The following TMEM143 variants were observed in gnomAD, a reference collection of about 807,000 sequenced individuals.
TMEM143 encodes transmembrane protein 143.
Under a neutral mutation model 40.3 loss-of-function variants are expected in TMEM143, and 45 were observed. The observed-to-expected ratio is 1.12, with a 90% CI of 0.88 to 1.43. The LOEUF (loss-of-function observed/expected upper bound fraction) is 1.43, where lower values mean the gene tolerates loss of function less well. Ranked by LOEUF, TMEM143 falls within the 40% of genes most tolerant of loss-of-function variation. The probability of loss-of-function intolerance (pLI) is 0.00; values close to 1 mark genes in which losing one functional copy is unlikely to be tolerated. For missense variants in TMEM143, 620 were observed against 613.4 expected, an observed-to-expected ratio of 1.01 and a Z score of -0.11; for synonymous variants, 299 against 282.7, an observed-to-expected ratio of 1.06 and a Z score of -0.58.
intron 3 of TMEM143, among the ~76,000 whole-genome samples, chr19:48,359,709 G>A (rs947160398): frequency 6.6e-6 from 1 of 151,790 alleles, no homozygotes; most frequent in South Asian, 2.1e-4. Flanking sequence ...AGGTTTCACC[G>A]TGTTAGCCAG....
At position 48,345,211 on chromosome 19, in the gene TMEM143, C is replaced by T. The variant is rs1331295249; in HGVS notation, c.513G>A (p.Glu171=). 3.1e-6 allele frequency: 5 copies of T among 1,613,480 alleles called. No homozygotes were observed. The highest frequency in any genetic ancestry group is 1.3e-5 in the African/African-American group (1 of 74,856). Residue 171 remains glutamate (E), a synonymous_variant, in exon 4 of 8, where the codon GAG becomes GAA. Transcript: ENST00000293261. ...LAQANFSPLS[E]DTLAYALVVH... is the part of the protein sequence containing the mutation. ...CCACCAGCGCGTAGGCCAGGGTGTC[C>T]TCAGACAGCGGGGAGAAGTTGGCCT...
At chr19:48,361,449 CT>C (rs1398225492) in intron 2 of TMEM143, among the ~76,000 whole-genome samples, 3 of 151,890 alleles carry the variant, frequency 2.0e-5, no homozygotes, top group African/African-American at 7.3e-5. Flanking sequence ...AACTCATGAC[CT>C]CAGGTGATCC....
chr19:48,334,416 CTCTT>C (rs201875941), intron 6 of TMEM143, among the ~76,000 whole-genome samples: 14,360 of 106,754 alleles, frequency 0.13, 854 homozygotes, highest in Admixed American at 0.16. Flanking sequence ...TTCTTTTTCT[CTCTT>C]TCTTTCTTTC....
intron 3 of TMEM143, among the ~76,000 whole-genome samples, chr19:48,345,620 G>A (rs972516577): frequency 1.3e-5 from 2 of 150,384 alleles, no homozygotes; most frequent in Non-Finnish European, 3.0e-5. Context: ...CACCATGCCC[G>A]GGTAATATAT....
intron 3 of TMEM143, among the ~76,000 whole-genome samples, chr19:48,348,540 CAATAA>C (rs1969697309): frequency 6.6e-6 from 1 of 152,172 alleles, no homozygotes; most frequent in Non-Finnish European, 1.5e-5. Flanking sequence ...TCTCGTCAAA[CAATAA>C]AATAACAACA....
At chr19:48,338,259 C>T (rs769603565) in intron 6 of TMEM143, among the ~76,000 whole-genome samples, 7 of 152,170 alleles carry the variant, frequency 4.6e-5, no homozygotes, top group African/African-American at 9.7e-5. Flanking sequence ...ACTTTATCCC[C>T]GCCTGCATCA....
Position 48,363,892 on chromosome 19 carries a change from C to T in TMEM143, c.23+6G>A, listed in dbSNP as rs768872288. The T allele has an allele frequency of 1.9e-6, 3 of 1,613,948 alleles. No individual in the cohort carries two copies. Among genetic ancestry groups the T allele is most frequent in the Non-Finnish European group, 2.5e-6 (3 of 1,179,880 alleles). On this transcript the variant is annotated splice_donor_region_variant and intron_variant, in intron 1 of 7. Coordinates refer to ENST00000293261, the MANE Select transcript of TMEM143 (RefSeq NM_018273.4). ...TGGCCATGCAATCCCCCGATTTCTC[C>T]CTCACCTTAGCCAAAGCTCGACTGT...
chr19:48,333,168 A>G lies in TMEM143; in HGVS notation c.*51T>C, dbSNP rs1344910492. ...CGTAATTGACAGCCTGTCGTGAAGGAGGCGGGGCTTAGTTCCTAGCCTGCT... is the reference window on the plus strand; with the variant it reads ...CGTAATTGACAGCCTGTCGTGAAGGGGGCGGGGCTTAGTTCCTAGCCTGCT... On this transcript the variant is annotated 3_prime_UTR_variant, in exon 8 of 8. Transcript: ENST00000293261. This position sits in a 1 kb window ranked among gnomAD's most constrained non-coding sequence, Gnocchi z 4.1. 5.3e-6 allele frequency: 7 copies of G among 1,325,908 alleles called. No individual in the cohort carries two copies. 82.1% of individuals were successfully genotyped at this position (1,325,908 alleles called of 1,614,324 possible). A position where few individuals can be genotyped will look rare whatever the true frequency, so the allele number is the denominator to read the frequency against.
At chr19:48,339,493 C>G (rs901477509) in intron 6 of TMEM143, among the ~76,000 whole-genome samples, 2 of 152,160 alleles carry the variant, frequency 1.3e-5, no homozygotes, top group Non-Finnish European at 2.9e-5. Flanking sequence ...CTCTGAGTGC[C>G]TGTTCCAAGG....
intron 6 of TMEM143, among the ~76,000 whole-genome samples, chr19:48,335,286 A>T (rs1969343058): frequency 6.6e-6 from 1 of 152,208 alleles, no homozygotes; most frequent in African/African-American, 2.4e-5. Flanking sequence ...GGTTTAAAAT[A>T]TTAAACTGTA....
rs1404321194 is a variant in TMEM143, at chr19:48,333,199, G to C, written c.*20C>G. ...GGCTTAGTTCCTAGCCTGCTGACTG[G>C]GCAGGGAGGTAGGTTCTACTCAGGA... On this transcript the variant is annotated 3_prime_UTR_variant, in exon 8 of 8. Coordinates refer to ENST00000293261, the MANE Select transcript of TMEM143 (RefSeq NM_018273.4). The surrounding 1 kb of genome is among the most constrained non-coding windows in gnomAD (Gnocchi z 4.1). 6 of 1,427,502 alleles carry C rather than the reference G, an allele frequency of 4.2e-6. No homozygotes were observed. In the African/African-American group the frequency reaches 7.1e-5, roughly 17 times the overall value. 88.4% of individuals were successfully genotyped at this position (1,427,502 alleles called of 1,614,324 possible).
At chr19:48,350,396 G>A (rs504103) in intron 3 of TMEM143, among the ~76,000 whole-genome samples, 112,586 of 151,822 alleles carry the variant, frequency 0.74, 41,874 homozygotes, top group East Asian at 0.83. Flanking sequence ...ATTTGCACAT[G>A]GACCCCAGTA....
intron 2 of TMEM143, among the ~76,000 whole-genome samples, chr19:48,361,607 T>C (rs941021116): frequency 8.0e-5 from 12 of 150,306 alleles, no homozygotes; most frequent in African/African-American, 2.7e-4. Context: ...CTCGGCTCAC[T>C]GCAAGCTCCG....
At chr19:48,334,416 C>CTTTCTTTCTTTCTT (rs1229512928) in intron 6 of TMEM143, among the ~76,000 whole-genome samples, 1 of 108,200 alleles carries the variant, frequency 9.2e-6, no homozygotes, top group Non-Finnish European at 2.0e-5. Context: ...TTCTTTTTCT[C>CTTTCTTTCTTTCTT]TCTTTCTTTC....
intron 3 of TMEM143, among the ~76,000 whole-genome samples, chr19:48,348,661 T>C (rs1267620690): frequency 2.6e-5 from 4 of 152,232 alleles, no homozygotes; most frequent in Non-Finnish European, 5.9e-5. Flanking sequence ...ACTCCTCATT[T>C]ACAGATGTGG....
intron 3 of TMEM143, among the ~76,000 whole-genome samples, chr19:48,354,882 C>T (rs886950841): frequency 3.9e-5 from 6 of 152,114 alleles, no homozygotes; most frequent in Admixed American, 2.0e-4. Flanking sequence ...GGTCACCCAG[C>T]GGGCCTCACC....
chr19:48,358,569 G>A (rs897747088), intron 3 of TMEM143, among the ~76,000 whole-genome samples: 3 of 151,900 alleles, frequency 2.0e-5, no homozygotes, highest in East Asian at 1.9e-4. Context: ...TGCTGGAGAC[G>A]CACCCCTACT....
intron 6 of TMEM143, among the ~76,000 whole-genome samples, chr19:48,339,877 C>T (rs1199571074): frequency 6.6e-5 from 10 of 150,638 alleles, no homozygotes; most frequent in Admixed American, 3.3e-4. Context: ...TTCAGGCATG[C>T]GCCACCACGC....
chr19:48,355,250 C>T (rs967820491), intron 3 of TMEM143, among the ~76,000 whole-genome samples: 26 of 152,030 alleles, frequency 1.7e-4, no homozygotes, highest in African/African-American at 5.6e-4. Flanking sequence ...AGACTGGTCT[C>T]GAACTCCTGG....
Sources: gnomAD v4.1 joint callset for allele counts (sites outside exome capture counted in the v4.1 genomes callset) on GRCh38, gnomAD v4.1.1 for gene constraint, Gnocchi (gnomAD v3.1) non-coding constraint, MANE v1.5 for transcripts, NCBI Gene and HGNC (gene_info 2026-07-23, HGNC 2026-07-21) for gene names.